The following CDH6 variants were observed in gnomAD, a reference collection of about 807,000 sequenced individuals.
CDH6 encodes the protein cadherin 6, also known as cadherin-6.
CDH6 carries 31 observed loss-of-function variants against 78.0 expected under a neutral mutation model. The observed-to-expected ratio is 0.40, with a 90% CI of 0.30 to 0.54. The LOEUF (loss-of-function observed/expected upper bound fraction) is 0.54, where lower values mean the gene tolerates loss of function less well. CDH6 is among the 20% of genes least tolerant of loss of function. The pLI, the probability that CDH6 is intolerant of heterozygous loss-of-function variation, is 0.56. For missense variants in CDH6, 724 were observed against 975.9 expected (o/e 0.74, Z 3.44); for synonymous variants, 376 against 368.8 (o/e 1.02, Z -0.23).
chr5:31,322,249 T>G (rs570514921), intron 11 of CDH6, among the ~76,000 whole-genome samples: 1 of 152,334 alleles, frequency 6.6e-6, no homozygotes, highest in South Asian at 2.1e-4. Context: ...AGGTATTTTC[T>G]GGAATAATAT....
intron 6 of CDH6, among the ~76,000 whole-genome samples, chr5:31,303,950 A>G (rs1026946417): frequency 4.6e-5 from 7 of 152,170 alleles, no homozygotes; most frequent in African/African-American, 1.7e-4. Flanking sequence ...ACTAAATCAC[A>G]TTCACCAACG....
rs1738646210 is a variant in CDH6 at position 31,327,409 on chromosome 5, A to G, written c.*4101A>G. ...GGCTCTAAAAAGTCATGATTCCCCC[A>G]CTATTTTGAAATGTATCCTCTAACA... is the stretch of plus-strand genomic sequence containing the variant. On this transcript the variant is annotated 3_prime_UTR_variant, in exon 12 of 12. Transcript: ENST00000265071. The G allele has an allele frequency of 1.0e-5, 2 of 191,546 alleles. No homozygotes were observed. The highest frequency in any genetic ancestry group is 2.2e-5 in the Non-Finnish European group (2 of 91,476). The allele number at this position is 191,546 out of a possible 1,614,324, so 11.9% of individuals were successfully genotyped here. A position where few individuals can be genotyped will look rare whatever the true frequency, so the allele number is the denominator to read the frequency against.
At chr5:31,270,078 T>A (rs967680429) in intron 2 of CDH6, among the ~76,000 whole-genome samples, 1 of 152,224 alleles carries the variant, frequency 6.6e-6, no homozygotes, top group African/African-American at 2.4e-5. Context: ...AAAAAATACA[T>A]TTTTAAAAAA....
intron 2 of CDH6, among the ~76,000 whole-genome samples, chr5:31,293,408 A>C (rs183352839): frequency 1.3e-5 from 2 of 152,292 alleles, no homozygotes; most frequent in Admixed American, 1.3e-4. Flanking sequence ...AAAAATGATT[A>C]TAATCTCTAT....
At position 31,328,505 on chromosome 5, in the gene CDH6, CT is replaced by C. The variant is rs1352871524; in HGVS notation, c.*5198del. ...GAAACGTAGGAACGCTTCAAACCCA[CT>C]GTAATGTTTGGTTTGAGATTATTTT... On this transcript the variant is annotated 3_prime_UTR_variant, in exon 12 of 12. Coordinates refer to ENST00000265071, the MANE Select transcript of CDH6 (RefSeq NM_004932.4). 4.8e-6 allele frequency: 1 copy of C among 207,400 alleles called. No homozygotes were observed. Among genetic ancestry groups the C allele is most frequent in the Admixed American group, 5.9e-5 (1 of 16,840 alleles). The allele number at this position is 207,400 out of a possible 1,614,324, so 12.8% of individuals were successfully genotyped here.
intron 1 of CDH6, among the ~76,000 whole-genome samples, chr5:31,223,331 T>C (rs912666777): frequency 1.3e-5 from 2 of 152,216 alleles, no homozygotes; most frequent in African/African-American, 4.8e-5. Context: ...TCTGACTTTG[T>C]ATTTATTTCT....
chr5:31,287,371 C>T (rs1287272766), intron 2 of CDH6, among the ~76,000 whole-genome samples: 1 of 152,144 alleles, frequency 6.6e-6, no homozygotes, highest in Non-Finnish European at 1.5e-5. Context: ...AGATCCAAAT[C>T]CCACCACTTT....
At chr5:31,234,646 C>T (rs1012791772) in intron 1 of CDH6, among the ~76,000 whole-genome samples, 1 of 152,152 alleles carries the variant, frequency 6.6e-6, no homozygotes, top group African/African-American at 2.4e-5. Context: ...TCTTCTGTGA[C>T]TCTTCTCACT....
intron 1 of CDH6, among the ~76,000 whole-genome samples, chr5:31,234,477 A>G (rs1741398106): frequency 2.0e-5 from 3 of 152,212 alleles, no homozygotes; most frequent in Admixed American, 1.3e-4. Context: ...ACCCTAAAAG[A>G]GTGTTACTAA....
intron 2 of CDH6, among the ~76,000 whole-genome samples, chr5:31,280,656 C>T (rs1742836593): frequency 6.6e-6 from 1 of 152,082 alleles, no homozygotes; most frequent in Non-Finnish European, 1.5e-5. Context: ...AAATTTCATG[C>T]CACTGACATT....
At chr5:31,296,416 G>A (rs775140769) in intron 3 of CDH6, among the ~76,000 whole-genome samples, 18 of 152,080 alleles carry the variant, frequency 1.2e-4, no homozygotes, top group African/African-American at 4.3e-4. Flanking sequence ...AGATTATTAG[G>A]CAACTGTGGG....
rs1554034957 is a variant in CDH6, at chr5:31,199,442, A to ATATG, written c.-129+5558_-129+5559insTGTA. ...TATATGTACACACATATGTGTATAT[A>ATATG]TACACACACATATGTGTATATATAC... On this transcript the variant is annotated intron_variant, in intron 1 of 11. Coordinates refer to ENST00000265071, the MANE Select transcript of CDH6 (RefSeq NM_004932.4). Among the ~76,000 whole-genome samples the ATATG allele has an allele frequency of 1.3e-3, 5 of 3,948 alleles. No individual in the cohort carries two copies. The South Asian group carries it at 0.067, about 53-fold the overall frequency. 2.6% of individuals were successfully genotyped at this position (3,948 alleles called of 152,430 possible). A position where few individuals can be genotyped will look rare whatever the true frequency, so the allele number is the denominator to read the frequency against.
In CDH6 at chr5:31,203,129, C is replaced by A. The variant is rs576539447; in HGVS notation, c.-129+9243C>A. ...GTCAGTGTTTCATAAAAGATTAATT[C>A]TATTAGTGTGGCCTTGTGATAAATA... On this transcript the variant is annotated intron_variant, in intron 1 of 11. Transcript: ENST00000265071. Among the ~76,000 whole-genome samples the A allele has an allele frequency of 1.7e-4, 26 of 151,764 alleles. No homozygotes were observed. The East Asian group carries it at 5.0e-3, about 29-fold the overall frequency.
intron 2 of CDH6, among the ~76,000 whole-genome samples, chr5:31,272,201 G>A (rs1472515423): frequency 1.3e-5 from 2 of 152,196 alleles, no homozygotes; most frequent in African/African-American, 4.8e-5. Context: ...GGATGAAGAA[G>A]CCAAAGGTCC....
chr5:31,305,685 G>A (rs912606869), intron 7 of CDH6, among the ~76,000 whole-genome samples: 16 of 152,058 alleles, frequency 1.1e-4, no homozygotes, highest in Admixed American at 1.3e-4. Context: ...TCACAAATCC[G>A]GAAGTTCCTT....
intron 11 of CDH6, 101 bp downstream of exon 11, chr5:31,318,025 C>A: frequency 7.2e-7 from 1 of 1,380,794 alleles, no homozygotes; most frequent in Non-Finnish European, 1.0e-6. Context: ...AGGCATACAG[C>A]CTGATCTAGG....
chr5:31,272,086 CTG>C (rs1742544676), intron 2 of CDH6, among the ~76,000 whole-genome samples: 5 of 152,198 alleles, frequency 3.3e-5, no homozygotes, highest in Admixed American at 3.3e-4. Flanking sequence ...CAACCAGGCT[CTG>C]GGGGCTCAGC....
At chr5:31,317,584 T>A in intron 10 of CDH6, 89 bp from the exon 11 acceptor site, 2 of 1,530,382 alleles carry the variant, frequency 1.3e-6, no homozygotes, top group Non-Finnish European at 1.8e-6. Flanking sequence ...TGTACATATC[T>A]GTATCTATAT....
At chr5:31,205,867 T>G (rs761394036) in intron 1 of CDH6, among the ~76,000 whole-genome samples, 5 of 152,212 alleles carry the variant, frequency 3.3e-5, no homozygotes, top group Non-Finnish European at 5.9e-5. Flanking sequence ...GCTTAGCACT[T>G]ACAATATTTC....
Sources: allele counts gnomAD v4.1 joint callset (sites outside exome capture counted in the v4.1 genomes callset), GRCh38; gene constraint gnomAD v4.1.1; transcripts MANE v1.5; gene names NCBI Gene and HGNC (gene_info 2026-07-23, HGNC 2026-07-21).